The following SNX25 variants were observed in gnomAD, a reference collection of about 807,000 sequenced individuals.
The protein encoded by SNX25 is sorting nexin-25.
SNX25 carries 62 observed loss-of-function variants against 113.7 expected under a neutral mutation model. The ratio of observed to expected loss-of-function variants is 0.55; its 90% confidence interval spans 0.44 to 0.67. The LOEUF (loss-of-function observed/expected upper bound fraction) is 0.67. Ranked by LOEUF, SNX25 falls within the 30% of genes least tolerant of loss-of-function variation. The pLI, the probability that SNX25 is intolerant of heterozygous loss-of-function variation, is 0.00. For synonymous variants in SNX25, 421 were observed against 436.2 expected, an observed-to-expected ratio of 0.97 and a Z score of 0.43; for missense variants, 1,014 against 1,161.0, an observed-to-expected ratio of 0.87 and a Z score of 1.84.
intron 16 of SNX25, 73 bp downstream of exon 16, chr4:185,357,810 C>G (rs1407181653): frequency 2.5e-6 from 3 of 1,215,082 alleles, no homozygotes; most frequent in Non-Finnish European, 3.7e-6. Flanking sequence ...ACCTTATGAT[C>G]TAGCAGCCAG....
In SNX25 at chr4:185,278,715, C is replaced by T. The variant is rs575602042; in HGVS notation, c.1092-9297C>T. ...CCATTAGGACATTTTCAATATAGAA[C>T]ATAAAACTAGTCAACTAAAGGTGAT... On this transcript the variant is annotated intron_variant, in intron 5 of 18. Coordinates refer to ENST00000652585, the MANE Select transcript of SNX25 (RefSeq NM_001378034.2). Among the ~76,000 whole-genome samples the T allele has an allele frequency of 6.6e-5, 10 of 152,154 alleles. No individual in the cohort carries two copies. In the South Asian group the frequency reaches 1.0e-3, roughly 16 times the overall value.
intron 16 of SNX25, 59 bp downstream of exon 16, chr4:185,357,796 A>G (rs958332089): frequency 2.2e-6 from 3 of 1,362,084 alleles, no homozygotes; most frequent in East Asian, 4.6e-5. Context: ...TTGACAGTCA[A>G]ATTACCTTAT....
At chr4:185,244,627 G>T (rs1330151394) in intron 1 of SNX25, among the ~76,000 whole-genome samples, 1 of 151,830 alleles carries the variant, frequency 6.6e-6, no homozygotes, top group East Asian at 1.9e-4. Context: ...GTTTTAAAAG[G>T]TCACATGATT....
chr4:185,315,635 C>A (rs529133046), intron 7 of SNX25, among the ~76,000 whole-genome samples: 1 of 152,154 alleles, frequency 6.6e-6, no homozygotes, highest in East Asian at 1.9e-4. Context: ...AGAGATAATA[C>A]CAATCTTAAC....
At position 185,363,437 on chromosome 4, in the gene SNX25, T is replaced by G; in HGVS notation, c.2987T>G (p.Leu996Ter). 1 of 1,614,170 alleles carries G rather than the reference T, an allele frequency of 6.2e-7. No homozygotes were observed. Among genetic ancestry groups the G allele is most frequent in the Non-Finnish European group, 8.5e-7 (1 of 1,180,014 alleles). ...CTGTGTCCTGAGCTGAGAGTTCATT[T>G]AGATCAACTTAAAGCTGGCCAAGTT... ...IELCPELRVHLDQLKAGQV is the reference protein window; with the variant it reads ...IELCPELRVH Residue 996 changes from leucine to a stop codon, truncating the protein, a stop_gained, in exon 19 of 19, where the codon TTA becomes TGA. Coordinates refer to ENST00000652585, the MANE Select transcript of SNX25 (RefSeq NM_001378034.2). LOFTEE classifies it high-confidence loss of function. The surrounding 1 kb of genome is among the most constrained non-coding windows in gnomAD (Gnocchi z 4.2).
At chr4:185,288,432 A>T (rs1402088169) in intron 6 of SNX25, among the ~76,000 whole-genome samples, 1 of 152,094 alleles carries the variant, frequency 6.6e-6, no homozygotes, top group Non-Finnish European at 1.5e-5. Flanking sequence ...CTTGAAACAT[A>T]ATCTTGATGG....
intron 6 of SNX25, among the ~76,000 whole-genome samples, chr4:185,302,089 G>A (rs1167097632): frequency 1.5e-5 from 2 of 132,782 alleles, no homozygotes; most frequent in African/African-American, 5.4e-5. Context: ...TTGTGTGTGT[G>A]TGTTTTTTTT....
intron 1 of SNX25, among the ~76,000 whole-genome samples, chr4:185,228,932 CTAG>C (rs1180259794): frequency 6.6e-6 from 1 of 152,180 alleles, no homozygotes; most frequent in Non-Finnish European, 1.5e-5. Flanking sequence ...GGTGACAGAG[CTAG>C]CTGGGATGGT....
the SNX25 span, among the ~76,000 whole-genome samples, chr4:185,375,262 G>T: frequency 1.3e-5 from 2 of 149,242 alleles, no homozygotes; most frequent in African/African-American, 4.9e-5. Context: ...TTTTAGTAGA[G>T]CCTGGCCAAC....
chr4:185,289,483 C>T (rs775416320), intron 6 of SNX25, among the ~76,000 whole-genome samples: 1 of 152,124 alleles, frequency 6.6e-6, no homozygotes, highest in African/African-American at 2.4e-5. Context: ...AATCCTGATG[C>T]AGAAACTTGA....
chr4:185,301,898 G>A (rs955044303), intron 6 of SNX25, among the ~76,000 whole-genome samples: 15 of 145,996 alleles, frequency 1.0e-4, no homozygotes, highest in Admixed American at 6.3e-4. Flanking sequence ...TTAGTCACAC[G>A]TTTTTTCTTC....
At chr4:185,341,889 A>T in intron 11 of SNX25, 87 bp from the exon 12 acceptor site, 3 of 1,405,116 alleles carry the variant, frequency 2.1e-6, no homozygotes, top group Non-Finnish European at 2.8e-6. Flanking sequence ...GGGGAGGGAA[A>T]TCTCCTTAGG....
chr4:185,255,351 C>G (rs1028737416), intron 2 of SNX25, among the ~76,000 whole-genome samples: 2 of 152,140 alleles, frequency 1.3e-5, no homozygotes, highest in Non-Finnish European at 2.9e-5. Flanking sequence ...CCAGGCTGGT[C>G]TGGAACTCCT....
At chr4:185,302,653 C>T (rs761129393) in intron 6 of SNX25, among the ~76,000 whole-genome samples, 2 of 152,190 alleles carry the variant, frequency 1.3e-5, no homozygotes, top group African/African-American at 2.4e-5. Context: ...GGATGTGGTG[C>T]GGAGACGCCG....
At chr4:185,217,466 G>A (rs772197311) in intron 1 of SNX25, among the ~76,000 whole-genome samples, 6 of 152,120 alleles carry the variant, frequency 3.9e-5, no homozygotes, top group African/African-American at 1.2e-4. Context: ...CCAAACCAAA[G>A]GATCCCACAA....
At chr4:185,265,009 TA>T (rs1747851155) in intron 4 of SNX25, among the ~76,000 whole-genome samples, 1 of 151,384 alleles carries the variant, frequency 6.6e-6, no homozygotes, top group South Asian at 2.1e-4. Context: ...TTTTTTTCTT[TA>T]AATAGAGATG....
intron 10 of SNX25, among the ~76,000 whole-genome samples, chr4:185,337,295 A>G (rs752623213): frequency 7.2e-5 from 11 of 152,090 alleles, no homozygotes; most frequent in Admixed American, 2.0e-4. Context: ...TTTTATCTCT[A>G]TGAATTTAAC....
chr4:185,266,299 G>T (rs544441982), intron 4 of SNX25, among the ~76,000 whole-genome samples: 1 of 152,096 alleles, frequency 6.6e-6, no homozygotes, highest in East Asian at 1.9e-4. Flanking sequence ...TTGTCAAAAC[G>T]TATTGAGCCT....
intron 9 of SNX25, 25 bp downstream of exon 9, chr4:185,323,825 C>G: frequency 6.2e-7 from 1 of 1,606,272 alleles, no homozygotes; most frequent in Non-Finnish European, 8.5e-7. Flanking sequence ...ACTTTCTGCT[C>G]CTTTTTATTG....
Sources: gnomAD v4.1 joint callset for allele counts (sites outside exome capture counted in the v4.1 genomes callset) on GRCh38, gnomAD v4.1.1 for gene constraint, Gnocchi (gnomAD v3.1) non-coding constraint, MANE v1.5 for transcripts, NCBI Gene and HGNC (gene_info 2026-07-23, HGNC 2026-07-21) for gene names.